RAB3GAP2: variants seen among roughly 807,000 people sequenced by gnomAD.
The protein encoded by RAB3GAP2 is rab3 GTPase-activating protein non-catalytic subunit.
In RAB3GAP2, 87 loss-of-function variants were observed where a neutral mutation model predicts 185.3. The observed-to-expected ratio is 0.47, with a 90% CI of 0.39 to 0.56. The LOEUF (loss-of-function observed/expected upper bound fraction) is 0.56. Among genes scored for constraint, RAB3GAP2 ranks in the 20% least tolerant of loss-of-function variants. RAB3GAP2 has a pLI of 0.00. For missense variants in RAB3GAP2, 1,492 were observed against 1,638.2 expected (o/e 0.91, Z 1.54); for synonymous variants, 554 against 576.1 (o/e 0.96, Z 0.55).
At chr1:220,254,255 T>G in intron 1 of RAB3GAP2, 1 of 1,613,598 alleles carries the variant, frequency 6.2e-7, no homozygotes, top group Non-Finnish European at 8.5e-7. Context: ...AACGTAATGT[T>G]GGGTACCCAG....
At position 220,182,252 on chromosome 1, in the gene RAB3GAP2, C is replaced by T. The variant is rs2102865147; in HGVS notation, c.2310+5G>A. The T allele has an allele frequency of 1.9e-6, 3 of 1,613,814 alleles. No homozygotes were observed. Among genetic ancestry groups the T allele is most frequent in the Non-Finnish European group, 2.5e-6 (3 of 1,179,888 alleles). On this transcript the variant is annotated splice_donor_5th_base_variant and intron_variant, in intron 21 of 34. Transcript: ENST00000358951. Reference sequence around the variant, plus strand: ...AACAGCATCCAGCAACCAAAAAAACCTTACCAACAACAGCTGAGGGCTAAG... The same window carrying T: ...AACAGCATCCAGCAACCAAAAAAACTTTACCAACAACAGCTGAGGGCTAAG...
In RAB3GAP2 at chr1:220,150,214, T is replaced by A. The variant is rs939769705; in HGVS notation, c.*1037A>T. 6.6e-6 allele frequency: 1 copy of A among 151,740 alleles called. No homozygotes were observed. The highest frequency in any genetic ancestry group is 6.6e-5 in the Admixed American group (1 of 15,142). The allele number at this position is 151,740 out of a possible 1,614,324, so 9.4% of individuals were successfully genotyped here. On this transcript the variant is annotated 3_prime_UTR_variant, in exon 35 of 35. Transcript: ENST00000358951. Reference sequence around the variant, plus strand: ...AGCCTCCCGAGTAGCTATAGTTTGGTTTTAATCAGTAAATATTTATTTAGC... The same window carrying A: ...AGCCTCCCGAGTAGCTATAGTTTGGATTTAATCAGTAAATATTTATTTAGC...
chr1:220,216,835 C>T (rs554552345), intron 2 of RAB3GAP2, among the ~76,000 whole-genome samples: 15 of 152,056 alleles, frequency 9.9e-5, no homozygotes, highest in African/African-American at 3.6e-4. Context: ...TATCACACTT[C>T]CAAAACTATG....
At chr1:220,266,801 G>C in intron 1 of RAB3GAP2, 1 of 1,594,440 alleles carries the variant, frequency 6.3e-7, no homozygotes. Flanking sequence ...TCTGAGCATT[G>C]GCCTCTGGCT....
At chr1:220,208,684 C>T (rs1659020468) in intron 7 of RAB3GAP2, among the ~76,000 whole-genome samples, 1 of 152,130 alleles carries the variant, frequency 6.6e-6, no homozygotes, top group Admixed American at 6.5e-5. Flanking sequence ...CATCTCTACA[C>T]AATAACCAGG....
intron 26 of RAB3GAP2, among the ~76,000 whole-genome samples, chr1:220,165,527 A>C (rs1007876602): frequency 2.0e-5 from 3 of 152,158 alleles, no homozygotes; most frequent in East Asian, 1.9e-4. Flanking sequence ...CATCATTGCC[A>C]ATACACACTG....
At chr1:220,221,331 C>T (rs1319951361) in intron 2 of RAB3GAP2, among the ~76,000 whole-genome samples, 2 of 152,068 alleles carry the variant, frequency 1.3e-5, no homozygotes, top group African/African-American at 4.8e-5. Flanking sequence ...TTCTGCATTA[C>T]GTTTGAAGTG....
Position 220,191,199 on chromosome 1 carries a change from A to C in RAB3GAP2, c.1356T>G (p.Phe452Leu). ...CTCGACTTGGACCCTGAGAATTTCC[A>C]AAGGGGGAAAAATCTGCCTTTTCTG... ...RVPEKADFSPFGNSQGPSRVA... is the reference protein window; with the variant it reads ...RVPEKADFSPLGNSQGPSRVA... Residue 452 changes from phenylalanine (F) to leucine (L), a missense_variant, in exon 14 of 35, where the codon TTT becomes TTG. By Grantham distance (22) the Phe-to-Leu change is conservative. This residue lies in a region of RAB3GAP2 where 681 missense variants were observed against 689.1 expected (regional missense o/e 0.99). Transcript: ENST00000358951. 6.2e-7 allele frequency: 1 copy of C among 1,613,896 alleles called. No homozygotes were observed. Among genetic ancestry groups the C allele is most frequent in the Non-Finnish European group, 8.5e-7 (1 of 1,179,948 alleles).
chr1:220,155,749 C>CTCAG (rs1571873203), intron 31 of RAB3GAP2, among the ~76,000 whole-genome samples: 1 of 152,156 alleles, frequency 6.6e-6, no homozygotes, highest in Non-Finnish European at 1.5e-5. Context: ...ACCCAGCTGT[C>CTCAG]TCAGGTAGTC....
chr1:220,184,189 A>G, intron 18 of RAB3GAP2, 26 bp from the exon 19 acceptor site: 2 of 1,580,470 alleles, frequency 1.3e-6, no homozygotes, highest in East Asian at 2.3e-5. Flanking sequence ...AAAAGTATAT[A>G]TAAGAGATAT....
intron 4 of RAB3GAP2, among the ~76,000 whole-genome samples, chr1:220,212,565 C>T (rs902695395): frequency 6.6e-6 from 1 of 152,034 alleles, no homozygotes; most frequent in Non-Finnish European, 1.5e-5. Flanking sequence ...ATGATCATAG[C>T]TCACTGCAGC....
intron 9 of RAB3GAP2, among the ~76,000 whole-genome samples, chr1:220,197,173 A>C (rs1203476465): frequency 2.0e-5 from 3 of 151,952 alleles, no homozygotes; most frequent in Non-Finnish European, 2.9e-5. Flanking sequence ...TTTTTAGTAG[A>C]GACGAAGTTT....
intron 24 of RAB3GAP2, 37 bp downstream of exon 24, chr1:220,170,855 A>C: frequency 6.5e-7 from 1 of 1,537,278 alleles, no homozygotes; most frequent in Non-Finnish European, 9.0e-7. Context: ...GTAACATAAA[A>C]AAATGGATGC....
intron 2 of RAB3GAP2, among the ~76,000 whole-genome samples, 160 bp from the exon 3 acceptor site, chr1:220,214,139 TG>T (rs1038762795): frequency 2.4e-4 from 36 of 152,216 alleles, no homozygotes; most frequent in African/African-American, 8.4e-4. Context: ...ATGCCAAAGA[TG>T]GCTGACAAAC....
Position 220,149,529 on chromosome 1 carries a change from A to G in RAB3GAP2, c.*1722T>C, listed in dbSNP as rs893397519. ...TACTTTCAGCGTACTTGGAAAAATC[A>G]CAGGAAGAACTAATCTCTTAGAAAA... On this transcript the variant is annotated 3_prime_UTR_variant, in exon 35 of 35. Transcript: ENST00000358951. The G allele has an allele frequency of 2.6e-5, 4 of 151,972 alleles. No homozygotes were observed. Among genetic ancestry groups the G allele is most frequent in the East Asian group, 1.9e-4 (1 of 5,198 alleles). 9.4% of individuals were successfully genotyped at this position (151,972 alleles called of 1,614,324 possible). A position where few individuals can be genotyped will look rare whatever the true frequency, so the allele number is the denominator to read the frequency against.
At chr1:220,265,972 C>T (rs899037459) in intron 1 of RAB3GAP2, 3 of 152,102 alleles carry the variant, frequency 2.0e-5, no homozygotes, top group Non-Finnish European at 4.4e-5. Flanking sequence ...GCAGTAAGAC[C>T]AGACTTCATG....
intron 1 of RAB3GAP2, among the ~76,000 whole-genome samples, chr1:220,252,152 G>GAA (rs58516168): frequency 0.099 from 9,532 of 96,200 alleles, 573 homozygotes; most frequent in African/African-American, 0.21. Context: ...CTCAAAAAAA[G>GAA]AAAAAAAAAA....
At chr1:220,259,114 TGGATAG>T (rs2102530274) in intron 1 of RAB3GAP2, among the ~76,000 whole-genome samples, 1 of 152,286 alleles carries the variant, frequency 6.6e-6, no homozygotes, top group South Asian at 2.1e-4. Context: ...TCCATGCTCA[TGGATAG>T]GAAGAATCAA....
chr1:220,182,488 T>C lies in RAB3GAP2; in HGVS notation c.2213-134A>G, dbSNP rs905995267. On this transcript the variant is annotated intron_variant, in intron 20 of 34. Coordinates refer to ENST00000358951, the MANE Select transcript of RAB3GAP2 (RefSeq NM_012414.4). ...AAGAGAAATTAATTGTTCAATTTGCTTGATTTATTAAAGCAGAAAGCAAAT... is the reference window on the plus strand; with the variant it reads ...AAGAGAAATTAATTGTTCAATTTGCCTGATTTATTAAAGCAGAAAGCAAAT... 11 of 1,501,408 alleles carry C rather than the reference T, an allele frequency of 7.3e-6. No individual in the cohort carries two copies. The African/African-American group carries it at 9.8e-5, about 13-fold the overall frequency. The allele number at this position is 1,501,408 out of a possible 1,614,324, so 93.0% of individuals were successfully genotyped here. A position where few individuals can be genotyped will look rare whatever the true frequency, so the allele number is the denominator to read the frequency against.
Sources: allele counts gnomAD v4.1 joint callset (sites outside exome capture counted in the v4.1 genomes callset), GRCh38; gene constraint gnomAD v4.1.1; regional missense constraint gnomAD v4.1.1; transcripts MANE v1.5; gene names NCBI Gene and HGNC (gene_info 2026-07-23, HGNC 2026-07-21).